CNTNAP3B: variants seen among roughly 807,000 people sequenced by gnomAD.
CNTNAP3B encodes the protein contactin associated protein family member 3B.
Under a neutral mutation model 108.9 loss-of-function variants are expected in CNTNAP3B, and 25 were observed. The ratio of observed to expected loss-of-function variants is 0.23; its 90% CI spans 0.17 to 0.32. The LOEUF (loss-of-function observed/expected upper bound fraction) is 0.32. CNTNAP3B is among the 10% of genes least tolerant of loss of function. CNTNAP3B has a pLI of 1.00. For synonymous variants in CNTNAP3B, 103 were observed against 473.4 expected, an observed-to-expected ratio of 0.22 and a Z score of 10.16; for missense variants, 252 against 1,210.4, an observed-to-expected ratio of 0.21 and a Z score of 11.75.
At chr9:42,012,240 C>T (rs1395525290) in intron 4 of CNTNAP3B, among the ~76,000 whole-genome samples, 1 of 119,746 alleles carries the variant, frequency 8.4e-6, no homozygotes, top group African/African-American at 3.4e-5. Flanking sequence ...AAATATCAGA[C>T]ATCTTAGCCA....
intron 3 of CNTNAP3B, among the ~76,000 whole-genome samples, chr9:42,076,186 G>C (rs1172648020): frequency 1.4e-5 from 1 of 70,182 alleles, no homozygotes; most frequent in African/African-American, 5.9e-5. Context: ...AGGTCAAGAT[G>C]GGTGGATGAC....
At chr9:42,088,496 A>AT (rs1564192922) in intron 2 of CNTNAP3B, among the ~76,000 whole-genome samples, 1 of 139,032 alleles carries the variant, frequency 7.2e-6, no homozygotes, top group Non-Finnish European at 1.5e-5. Context: ...AAAGTTACAT[A>AT]TGCTGCTGAA....
intron 18 of CNTNAP3B, among the ~76,000 whole-genome samples, chr9:41,919,621 A>G (rs1311883527): frequency 6.6e-6 from 1 of 152,302 alleles, no homozygotes; most frequent in South Asian, 2.1e-4. Flanking sequence ...AATCACTTAA[A>G]GTCACTGTCA....
chr9:41,979,028 G>C (rs934978532), intron 9 of CNTNAP3B, among the ~76,000 whole-genome samples: 2 of 139,168 alleles, frequency 1.4e-5, no homozygotes, highest in African/African-American at 2.9e-5. Flanking sequence ...TTCATCCCCA[G>C]GTGGGATGTG....
Position 42,093,318 on chromosome 9 carries a change from C to G in CNTNAP3B, c.196+11311G>C, listed in dbSNP as rs1463900968. On this transcript the variant is annotated intron_variant, in intron 2 of 23. Transcript: ENST00000377561. ...CGAGATCACGTCACTGCACTCCAGC[C>G]TGGGTGACAGGGTGAGGCTCCATCT... Among the ~76,000 whole-genome samples the G allele has an allele frequency of 5.2e-5, 5 of 95,816 alleles. 2 individuals are homozygous for G. The allele number at this position is 95,816 out of a possible 152,430, so 62.9% of individuals were successfully genotyped here.
intron 13 of CNTNAP3B, among the ~76,000 whole-genome samples, chr9:41,944,045 A>G (rs1320789644): frequency 8.6e-5 from 13 of 151,830 alleles, no homozygotes; most frequent in Non-Finnish European, 1.5e-4. Flanking sequence ...TGAAATATTT[A>G]AACTGTTGAG....
At chr9:41,929,575 T>C in intron 14 of CNTNAP3B, 131 bp from the exon 15 acceptor site, 1 of 1,191,572 alleles carries the variant, frequency 8.4e-7, no homozygotes, top group Non-Finnish European at 1.1e-6. Flanking sequence ...TTCAATATTT[T>C]GAGAGCACAG....
rs1305537416 is a variant in CNTNAP3B, at chr9:42,127,925, T to C, written c.85+1085A>G. Reference sequence around the variant, plus strand: ...GAAAACTGCTGAAAGCTACCCTTGGTTATCCTGCAATAATCTAAATTTCCA... The same window carrying C: ...GAAAACTGCTGAAAGCTACCCTTGGCTATCCTGCAATAATCTAAATTTCCA... On this transcript the variant is annotated intron_variant, in intron 1 of 23. Coordinates refer to ENST00000377561, the MANE Select transcript of CNTNAP3B (RefSeq NM_001201380.3). 1.4e-5 allele frequency among the ~76,000 whole-genome samples: 2 copies of C among 139,754 alleles called. 1 individual carries two copies. The highest frequency in any genetic ancestry group is 5.7e-5 in the African/African-American group (2 of 35,182). 91.7% of individuals were successfully genotyped at this position (139,754 alleles called of 152,430 possible). A position where few individuals can be genotyped will look rare whatever the true frequency, so the allele number is the denominator to read the frequency against.
At chr9:41,921,343 A>C (rs1448102489) in intron 17 of CNTNAP3B, among the ~76,000 whole-genome samples, 3 of 152,200 alleles carry the variant, frequency 2.0e-5, no homozygotes, top group Non-Finnish European at 4.4e-5. Context: ...AAAAAGCCTC[A>C]CTGCACCTTA....
At chr9:42,124,203 C>T (rs961966116) in intron 1 of CNTNAP3B, among the ~76,000 whole-genome samples, 3 of 134,712 alleles carry the variant, frequency 2.2e-5, no homozygotes, top group Non-Finnish European at 3.1e-5. Context: ...CGTATTATTA[C>T]AACAAAAATG....
At chr9:41,960,326 G>C (rs1314604282) in intron 12 of CNTNAP3B, 1 of 178,668 alleles carries the variant, frequency 5.6e-6, no homozygotes, top group Non-Finnish European at 1.2e-5. Context: ...AATATCTAAA[G>C]CATGAGAAAT....
rs1045932967 is a variant in CNTNAP3B at position 42,121,697 on chromosome 9, T to C, written c.85+7313A>G. 7.1e-5 allele frequency among the ~76,000 whole-genome samples: 10 copies of C among 140,204 alleles called. 2 individuals carry two copies. Among genetic ancestry groups the C allele is most frequent in the African/African-American group, 2.8e-4 (10 of 35,526 alleles). 92.0% of individuals were successfully genotyped at this position (140,204 alleles called of 152,430 possible). ...AATGTGTCAACTGTGATTTATGAAA[T>C]GACATATGCTATTTTTATATTGCAA... On this transcript the variant is annotated intron_variant, in intron 1 of 23. Transcript: ENST00000377561.
intron 2 of CNTNAP3B, among the ~76,000 whole-genome samples, chr9:42,103,222 C>T (rs1396989262): frequency 3.3e-4 from 48 of 144,536 alleles, no homozygotes; most frequent in African/African-American, 7.2e-4. Context: ...TCTAAAGTAA[C>T]GAAACAGAGC....
At chr9:41,938,806 T>A (rs1329937617) in intron 13 of CNTNAP3B, among the ~76,000 whole-genome samples, 2 of 152,294 alleles carry the variant, frequency 1.3e-5, no homozygotes, top group Non-Finnish European at 2.9e-5. Context: ...CATTGATTTA[T>A]CTCATCCCAT....
chr9:41,945,570 A>T (rs1351532151), intron 13 of CNTNAP3B, among the ~76,000 whole-genome samples: 1 of 152,310 alleles, frequency 6.6e-6, no homozygotes, highest in East Asian at 1.9e-4. Flanking sequence ...GAACAATGAG[A>T]ACACTTGGAC....
Position 41,984,005 on chromosome 9 carries a change from C to T in CNTNAP3B, c.1477+2163G>A, listed in dbSNP as rs560735437. On this transcript the variant is annotated intron_variant, in intron 9 of 23. Transcript: ENST00000377561. The stretch of plus-strand genomic sequence containing the variant: ...TGCAGAGCTTGCAGTGAGCCGAGAT[C>T]GCGCCACTGCACTCCAGCCTGGGGG... 5.4e-3 allele frequency among the ~76,000 whole-genome samples: 526 copies of T among 96,754 alleles called. 166 individuals carry two copies. The highest frequency in any genetic ancestry group is 0.02 in the African/African-American group (492 of 24,430). The allele number at this position is 96,754 out of a possible 152,430, so 63.5% of individuals were successfully genotyped here.
intron 10 of CNTNAP3B, among the ~76,000 whole-genome samples, chr9:41,966,697 G>A (rs1238167211): frequency 3.9e-5 from 6 of 152,250 alleles, no homozygotes; most frequent in Non-Finnish European, 8.8e-5. Flanking sequence ...GCTGGGTGTG[G>A]TGGCTCACGC....
chr9:42,088,902 A>T (rs1399158727), intron 2 of CNTNAP3B, among the ~76,000 whole-genome samples: 1 of 139,970 alleles, frequency 7.1e-6, no homozygotes, highest in East Asian at 2.2e-4. Flanking sequence ...AAGGAGGGGA[A>T]TATGCAAGAA....
At chr9:42,120,064 G>T (rs1236740400) in intron 1 of CNTNAP3B, among the ~76,000 whole-genome samples, 1 of 150,420 alleles carries the variant, frequency 6.6e-6, no homozygotes, top group Admixed American at 6.6e-5. Context: ...GGAAATTTTT[G>T]CAACCTACTC....
Sources: gnomAD v4.1 joint callset for allele counts (sites outside exome capture counted in the v4.1 genomes callset) on GRCh38, gnomAD v4.1.1 for gene constraint, MANE v1.5 for transcripts, NCBI Gene and HGNC (gene_info 2026-07-23, HGNC 2026-07-21) for gene names.